Variants in TNIP1 observed in about 807,000 individuals in gnomAD.
The protein encoded by TNIP1 is TNFAIP3-interacting protein 1.
TNIP1 carries 22 observed loss-of-function variants against 86.6 expected under a neutral mutation model. The observed-to-expected ratio is 0.25, with a 90% CI of 0.18 to 0.36. The LOEUF (loss-of-function observed/expected upper bound fraction) is 0.36. Ranked by LOEUF, TNIP1 falls within the 10% of genes least tolerant of loss-of-function variation. The pLI, the probability that TNIP1 is intolerant of heterozygous loss-of-function variation, is 1.00. For synonymous variants in TNIP1, 294 were observed against 313.0 expected, an observed-to-expected ratio of 0.94 and a Z score of 0.64; for missense variants, 709 against 820.6, an observed-to-expected ratio of 0.86 and a Z score of 1.66.
At chr5:151,046,391 T>C (rs1759172100) in intron 8 of TNIP1, 1 of 157,490 alleles carries the variant, frequency 6.3e-6, no homozygotes, top group African/African-American at 2.4e-5. Flanking sequence ...TTTACAAAAG[T>C]TGAAGTTATA....
At chr5:151,074,643 G>A (rs1393412464) in intron 1 of TNIP1, among the ~76,000 whole-genome samples, 2 of 152,236 alleles carry the variant, frequency 1.3e-5, no homozygotes, top group Non-Finnish European at 2.9e-5. Flanking sequence ...GTACTCAGAT[G>A]AAAGCCAAAG....
At chr5:151,046,752 C>T (rs923794924) in intron 8 of TNIP1, among the ~76,000 whole-genome samples, 1 of 151,954 alleles carries the variant, frequency 6.6e-6, no homozygotes, top group Non-Finnish European at 1.5e-5. Context: ...ATGGCCAAAA[C>T]GGGAACACTT....
intron 16 of TNIP1, 143 bp from the exon 17 acceptor site, chr5:151,032,526 A>ACC: frequency 1.2e-6 from 1 of 809,040 alleles, no homozygotes; most frequent in Non-Finnish European, 2.0e-6. Context: ...CCCATTTCAC[A>ACC]GGTAAGGAAT....
Position 151,052,218 on chromosome 5 carries a change from C to T in TNIP1, c.669G>A (p.Lys223=). The T allele has an allele frequency of 6.2e-7, 1 of 1,614,090 alleles. No homozygotes were observed. Among genetic ancestry groups the T allele is most frequent in the Non-Finnish European group, 8.5e-7 (1 of 1,180,002 alleles). ...GTTCCAGGCCCTTATCCAACTTGGC[C>T]TTCAGAGCCTCGTTCTCCTTCCGAA... ...EQLRKENEAL[K]AKLDKGLEQR... The change falls in exon 7 of 18, where the codon AAG becomes AAA. Residue 223 remains lysine (K), a synonymous_variant. Coordinates refer to ENST00000521591, the MANE Select transcript of TNIP1 (RefSeq NM_006058.5).
intron 13 of TNIP1, among the ~76,000 whole-genome samples, chr5:151,036,012 C>A (rs1319291422): frequency 2.0e-5 from 3 of 152,250 alleles, no homozygotes; most frequent in Non-Finnish European, 4.4e-5. Context: ...CCCACAGGGG[C>A]AGTGATCACA....
rs755367457 is a variant in TNIP1, at chr5:151,056,815, C to T, written c.578G>A (p.Arg193Gln). The change falls in exon 6 of 18, where the codon CGA (arginine) becomes CAA (glutamine). Residue 193 changes from arginine (R) to glutamine (Q), a missense_variant. By Grantham distance (43) the Arg-to-Gln change is conservative. Transcript: ENST00000521591. ...ATTCTTGTGCACCTTGGATGCCAGT[C>T]GGTTGAACTCCAGGGCCATGCGGCC... ...HLGRMALEFN[R>Q]LASKVHKNEQ... 3.8e-6 allele frequency: 6 copies of T among 1,579,808 alleles called. No individual in the cohort carries two copies. Among genetic ancestry groups the T allele is most frequent in the East Asian group, 2.4e-5 (1 of 41,960 alleles).
intron 11 of TNIP1, 39 bp from the exon 12 acceptor site, chr5:151,039,264 C>T: frequency 1.3e-6 from 2 of 1,595,616 alleles, no homozygotes; most frequent in East Asian, 2.2e-5. Context: ...GCTAGGATGG[C>T]CTCTCCAGGA....
chr5:151,050,697 A>T (rs907507639), intron 7 of TNIP1, among the ~76,000 whole-genome samples: 2 of 152,034 alleles, frequency 1.3e-5, no homozygotes, highest in African/African-American at 4.8e-5. Flanking sequence ...ACAGTGGCCC[A>T]ATCTCGGCTC....
Position 151,035,565 on chromosome 5 carries a change from G to A in TNIP1, c.1521+17C>T. 1 of 1,614,102 alleles carries A rather than the reference G, an allele frequency of 6.2e-7. No individual in the cohort carries two copies. The highest frequency in any genetic ancestry group is 1.1e-5 in the South Asian group (1 of 91,084). Reference sequence around the variant, plus strand: ...GAGGACAGGCCAGTTGCCCTTCCTGGGTCCAGTCACTCTTACCTGGGCATT... The same window carrying A: ...GAGGACAGGCCAGTTGCCCTTCCTGAGTCCAGTCACTCTTACCTGGGCATT... On this transcript the variant is annotated intron_variant, in intron 14 of 17. Coordinates refer to ENST00000521591, the MANE Select transcript of TNIP1 (RefSeq NM_006058.5).
At chr5:151,075,077 T>G (rs1330573237) in intron 1 of TNIP1, among the ~76,000 whole-genome samples, 1 of 152,018 alleles carries the variant, frequency 6.6e-6, no homozygotes, top group Non-Finnish European at 1.5e-5. Flanking sequence ...ACGCTCAGCC[T>G]AAATAACATT....
chr5:151,077,191 C>T (rs376902588), intron 1 of TNIP1, among the ~76,000 whole-genome samples: 5 of 152,316 alleles, frequency 3.3e-5, no homozygotes, highest in African/African-American at 1.2e-4. Context: ...ATTAGCCAAA[C>T]TGGCCCCTTT....
chr5:151,072,587 C>A (rs1023427601), intron 1 of TNIP1, among the ~76,000 whole-genome samples: 1 of 152,210 alleles, frequency 6.6e-6, no homozygotes, highest in Admixed American at 6.5e-5. Flanking sequence ...GAACAAGATG[C>A]CCATCTTCAG....
At chr5:151,056,693 G>T in intron 6 of TNIP1, 73 bp downstream of exon 6, 2 of 1,374,532 alleles carry the variant, frequency 1.5e-6, no homozygotes, top group South Asian at 1.6e-5. Context: ...GGATTCCCAG[G>T]AGCAGGAAGG....
Position 151,038,435 on chromosome 5 carries a change from C to T in TNIP1, c.1263+662G>A, listed in dbSNP as rs577940397. On this transcript the variant is annotated intron_variant, in intron 12 of 17. Coordinates refer to ENST00000521591, the MANE Select transcript of TNIP1 (RefSeq NM_006058.5). ...AACTAGAGCCGTTCCCACCAGGGCT[C>T]GGATGGCAAAACTGAACTGGAGAGG... 2.7e-4 allele frequency among the ~76,000 whole-genome samples: 41 copies of T among 152,238 alleles called. 1 individual carries two copies. The East Asian group carries it at 7.7e-3, about 29-fold the overall frequency.
chr5:151,086,261 AAAATT>A (rs935189117), intron 1 of TNIP1, among the ~76,000 whole-genome samples: 1 of 152,232 alleles, frequency 6.6e-6, no homozygotes, highest in Admixed American at 6.5e-5. Context: ...GAATTAAACT[AAAATT>A]AAATAGAATT....
Position 151,064,859 on chromosome 5 carries a change from C to T in TNIP1, c.136+101G>A, listed in dbSNP as rs1213311746. ...CAGGAGGGACAGGGGATGACTTGGG[C>T]AGAGGCATATGCCAGCTTCATTCTC... On this transcript the variant is annotated intron_variant, in intron 2 of 17. Coordinates refer to ENST00000521591, the MANE Select transcript of TNIP1 (RefSeq NM_006058.5). The T allele has an allele frequency of 2.6e-6, 4 of 1,546,868 alleles. No individual in the cohort carries two copies. In the East Asian group the frequency reaches 6.8e-5, roughly 26 times the overall value.
chr5:151,059,852 TGTGTGTGTGTGTGTGCGCGC>T (rs1357678339), intron 5 of TNIP1, among the ~76,000 whole-genome samples: 2 of 101,858 alleles, frequency 2.0e-5, no homozygotes, highest in East Asian at 3.3e-4. Flanking sequence ...TGTGTGTGTG[TGTGTGTGTGTGTGTGCGCGC>T]GCGCGCGCGC....
At chr5:151,074,264 T>C (rs2113804104) in intron 1 of TNIP1, among the ~76,000 whole-genome samples, 1 of 152,290 alleles carries the variant, frequency 6.6e-6, no homozygotes, top group Non-Finnish European at 1.5e-5. Context: ...AAAATTTAAG[T>C]GAGCTGAGTG....
At chr5:151,042,430 G>T (rs778060648) in intron 11 of TNIP1, 110 bp downstream of exon 11, 2 of 1,464,176 alleles carry the variant, frequency 1.4e-6, no homozygotes, top group Non-Finnish European at 1.8e-6. Context: ...TAGCTCTTTC[G>T]CACTAGACCC....
Sources: gnomAD v4.1 joint callset for allele counts (sites outside exome capture counted in the v4.1 genomes callset) on GRCh38, gnomAD v4.1.1 for gene constraint, MANE v1.5 for transcripts, NCBI Gene and HGNC (gene_info 2026-07-23, HGNC 2026-07-21) for gene names.